Variants in BAHCC1 observed in about 807,000 individuals in gnomAD.
BAHCC1 encodes the protein BAH domain and coiled-coil containing 1, also known as BAH and coiled-coil domain-containing protein 1.
Under a neutral mutation model 88.2 loss-of-function variants are expected in BAHCC1, and 43 were observed. The observed-to-expected ratio is 0.49, with a 90% CI of 0.38 to 0.63. The LOEUF (loss-of-function observed/expected upper bound fraction) is 0.63, where lower values mean the gene tolerates loss of function less well. Ranked by LOEUF, BAHCC1 falls within the 20% of genes least tolerant of loss-of-function variation. BAHCC1 has a pLI of 0.00. For missense variants in BAHCC1, 3,023 were observed against 1,654.8 expected (o/e 1.83, Z -14.34); for synonymous variants, 1,510 against 745.5 (o/e 2.03, Z -16.71).
intron 3 of BAHCC1, among the ~76,000 whole-genome samples, chr17:81,432,542 T>TCGCCGGGCC (rs2064272834): frequency 0.023 from 266 of 11,638 alleles, 1 homozygote; most frequent in Middle Eastern, 0.062. Flanking sequence ...CTCCCACCCA[T>TCGCCGGGCC]CACCAGGCCC....
intron 2 of BAHCC1, among the ~76,000 whole-genome samples, chr17:81,414,987 C>T (rs2064001187): frequency 6.6e-6 from 1 of 152,222 alleles, no homozygotes; most frequent in African/African-American, 2.4e-5. Context: ...CTGTTACCCG[C>T]CCCGGCGTAC....
chr17:81,409,864 C>CT (rs1555647503), intron 2 of BAHCC1, among the ~76,000 whole-genome samples: 2 of 152,214 alleles, frequency 1.3e-5, no homozygotes, highest in African/African-American at 4.8e-5. Flanking sequence ...AGCGCTGCCT[C>CT]AGGCCCTTCA....
At chr17:81,441,724 T>G in intron 4 of BAHCC1, 107 bp from the exon 5 acceptor site, 3 of 462,938 alleles carry the variant, frequency 6.5e-6, no homozygotes, top group Admixed American at 3.2e-5. Flanking sequence ...TAACCTGGAG[T>G]CAGTGCCAGC....
rs1555645702 is a variant in BAHCC1, at chr17:81,399,821, G to A, written c.82G>A (p.Ala28Thr). 1.4e-5 allele frequency: 19 copies of A among 1,326,006 alleles called. No individual in the cohort carries two copies. The highest frequency in any genetic ancestry group is 2.9e-6 in the Non-Finnish European group (3 of 1,039,782). 82.1% of individuals were successfully genotyped at this position (1,326,006 alleles called of 1,614,324 possible). A position where few individuals can be genotyped will look rare whatever the true frequency, so the allele number is the denominator to read the frequency against. The change falls in exon 2 of 28, where the codon GCG (alanine) becomes ACG (threonine). Residue 28 changes from alanine to threonine, a missense_variant. Transcript: ENST00000675386. This position sits in a 1 kb window ranked among gnomAD's most constrained non-coding sequence, Gnocchi z 4.5. ...SLGHRSAAAA[A>T]RLAPAGPAAQ... ...GGGCCACCGCAGCGCCGCTGCCGCC[G>A]CGCGTCTCGCCCCGGCTGGGCCCGC...
At chr17:81,441,375 A>G (rs1220881843) in intron 4 of BAHCC1, among the ~76,000 whole-genome samples, 2 of 152,190 alleles carry the variant, frequency 1.3e-5, no homozygotes, top group African/African-American at 2.4e-5. Flanking sequence ...AACAAAAGCA[A>G]AAACCAGCCC....
chr17:81,438,308 A>G (rs1274784214), intron 3 of BAHCC1, 62 bp from the exon 4 acceptor site: 5 of 768,568 alleles, frequency 6.5e-6, no homozygotes, highest in Middle Eastern at 2.3e-4. Context: ...CCCTGGGGTC[A>G]GGGCGAGTGT....
intron 2 of BAHCC1, among the ~76,000 whole-genome samples, chr17:81,425,808 G>A (rs571565417): frequency 8.8e-4 from 123 of 140,002 alleles, no homozygotes; most frequent in African/African-American, 3.2e-3. Flanking sequence ...ATGGTGGGTC[G>A]TGGTGGTGGT....
intron 1 of BAHCC1, chr17:81,395,865 T>C (rs1348522527): frequency 1.3e-5 from 2 of 152,108 alleles, no homozygotes; most frequent in Non-Finnish European, 2.9e-5. Flanking sequence ...TGAAAAATCT[T>C]ATCGATCGGT....
chr17:81,463,856 C>A lies in BAHCC1; in HGVS notation c.*39C>A. ...GATGCCTCCCACGTGCGCCAGGGAC[C>A]CTGTGTGCGGAGCCTGGCGTCGGCC... is the stretch of plus-strand genomic sequence containing the variant. On this transcript the variant is annotated 3_prime_UTR_variant, in exon 28 of 28. Coordinates refer to ENST00000675386, the MANE Select transcript of BAHCC1 (RefSeq NM_001377448.1). 1 of 699,648 alleles carries A rather than the reference C, an allele frequency of 1.4e-6. No individual in the cohort carries two copies. The highest frequency in any genetic ancestry group is 1.5e-5 in the South Asian group (1 of 67,588). The allele number at this position is 699,648 out of a possible 1,614,324, so 43.3% of individuals were successfully genotyped here.
chr17:81,407,229 A>G (rs574374422), intron 2 of BAHCC1: 4 of 448,932 alleles, frequency 8.9e-6, no homozygotes, highest in South Asian at 6.4e-5. Flanking sequence ...TGCTTCCAAT[A>G]GGGTCCTCTG....
intron 2 of BAHCC1, chr17:81,415,703 G>A (rs1023714754): frequency 1.9e-5 from 7 of 369,128 alleles, no homozygotes; most frequent in Admixed American, 1.0e-4. Flanking sequence ...GAGCTCTCCC[G>A]GCCAACATAG....
At chr17:81,396,423 T>A (rs2063746847) in intron 1 of BAHCC1, 1 of 152,132 alleles carries the variant, frequency 6.6e-6, no homozygotes, top group Middle Eastern at 3.4e-3. Flanking sequence ...GGGCTGGTTT[T>A]CTTCGGGCGC....
At chr17:81,395,807 CTTTT>C (rs11373775) in intron 1 of BAHCC1, 172 bp downstream of exon 1, 1 of 148,478 alleles carries the variant, frequency 6.7e-6, no homozygotes, top group African/African-American at 2.5e-5. Context: ...AATGTTGAGG[CTTTT>C]TTTTTTCTTA....
chr17:81,404,570 T>C (rs782617182), intron 2 of BAHCC1, among the ~76,000 whole-genome samples: 20 of 152,156 alleles, frequency 1.3e-4, no homozygotes, highest in Admixed American at 3.3e-4. Context: ...ATGGAGACTA[T>C]TGGGGGTTCC....
chr17:81,442,562 G>A lies in BAHCC1; in HGVS notation c.1213G>A (p.Gly405Ser). ...TTCTGTGGGACACCTGGCCGACAAG[G>A]GCCGCCCCTTCCAGGCCGCCGAGGC... ...VPSVGHLADK[G>S]RPFQAAEACA... is the part of the protein sequence containing the mutation. Residue 405 changes from glycine to serine, a missense_variant, in exon 5 of 28, where the codon GGC (glycine) becomes AGC (serine). By Grantham distance (56) the Gly-to-Ser change is moderately conservative (BLOSUM62 0). Coordinates refer to ENST00000675386, the MANE Select transcript of BAHCC1 (RefSeq NM_001377448.1). 1.3e-6 allele frequency: 1 copy of A among 754,644 alleles called. No homozygotes were observed. The highest frequency in any genetic ancestry group is 2.5e-6 in the Non-Finnish European group (1 of 405,200). 46.7% of individuals were successfully genotyped at this position (754,644 alleles called of 1,614,324 possible). A position where few individuals can be genotyped will look rare whatever the true frequency, so the allele number is the denominator to read the frequency against.
At chr17:81,428,628 G>A (rs1568009267) in intron 3 of BAHCC1, among the ~76,000 whole-genome samples, 1 of 152,204 alleles carries the variant, frequency 6.6e-6, no homozygotes, top group Non-Finnish European at 1.5e-5. Flanking sequence ...AGGGCCGTTT[G>A]TGGGTAGCAC....
chr17:81,399,318 G>A lies in BAHCC1; in HGVS notation c.-206-216G>A. 4.0e-6 allele frequency: 1 copy of A among 249,190 alleles called. No individual in the cohort carries two copies. Among genetic ancestry groups the A allele is most frequent in the Non-Finnish European group, 8.3e-6 (1 of 120,856 alleles). The allele number at this position is 249,190 out of a possible 1,614,324, so 15.4% of individuals were successfully genotyped here. On this transcript the variant is annotated intron_variant, in intron 1 of 27. Coordinates refer to ENST00000675386, the MANE Select transcript of BAHCC1 (RefSeq NM_001377448.1). This position sits in a 1 kb window ranked among gnomAD's most constrained non-coding sequence, Gnocchi z 4.5. ...GCTGCCCCGGGCCAAGCGTGGCCGG[G>A]ACGGTGCGTGCGCGCGCGGGGCCCC...
At chr17:81,402,591 C>A (rs1380405232) in intron 2 of BAHCC1, 1 of 152,244 alleles carries the variant, frequency 6.6e-6, no homozygotes, top group East Asian at 1.9e-4. Context: ...CTGACTGCCC[C>A]TTGGAAAGGA....
At position 81,442,768 on chromosome 17, in the gene BAHCC1, C is replaced by T. The variant is rs1165340093; in HGVS notation, c.1419C>T (p.Ser473=). The part of the protein sequence containing the change: ...PRLKGLDYLS[S]AGPEASFPGL... ...TAAAGGGCCTCGACTATCTCAGCAG[C>T]GCAGGCCCCGAGGCCTCCTTCCCCG... The change falls in exon 5 of 28, where the codon AGC becomes AGT. Residue 473 remains serine, a synonymous_variant. Transcript: ENST00000675386. 6 of 779,410 alleles carry T rather than the reference C, an allele frequency of 7.7e-6. No individual in the cohort carries two copies. The highest frequency in any genetic ancestry group is 1.7e-5 in the Admixed American group (1 of 59,024). The allele number at this position is 779,410 out of a possible 1,614,324, so 48.3% of individuals were successfully genotyped here.
Sources: allele counts gnomAD v4.1 joint callset (sites outside exome capture counted in the v4.1 genomes callset), GRCh38; gene constraint gnomAD v4.1.1; non-coding constraint Gnocchi (gnomAD v3.1); transcripts MANE v1.5; gene names NCBI Gene and HGNC (gene_info 2026-07-23, HGNC 2026-07-21).